Variants in STXBP5L observed in about 807,000 individuals in gnomAD.
STXBP5L encodes syntaxin-binding protein 5-like.
STXBP5L carries 65 observed loss-of-function variants against 144.5 expected under a neutral mutation model. The ratio of observed to expected loss-of-function variants is 0.45; its 90% CI spans 0.37 to 0.55. The LOEUF is 0.55. Ranked by LOEUF, STXBP5L falls within the 20% of genes least tolerant of loss-of-function variation. STXBP5L has a pLI of 0.00. For missense variants in STXBP5L, 1,298 were observed against 1,405.5 expected (o/e 0.92, Z 1.22); for synonymous variants, 505 against 469.6 (o/e 1.08, Z -0.97).
At chr3:121,321,813 G>A (rs1239977777) in intron 20 of STXBP5L, among the ~76,000 whole-genome samples, 1 of 152,192 alleles carries the variant, frequency 6.6e-6, no homozygotes, top group Non-Finnish European at 1.5e-5. Context: ...CCAGAAACCA[G>A]TAATCATTTT....
intron 5 of STXBP5L, among the ~76,000 whole-genome samples, chr3:121,113,241 G>T (rs899929334): frequency 6.6e-6 from 1 of 152,036 alleles, no homozygotes; most frequent in African/African-American, 2.4e-5. Flanking sequence ...CTATATTTAT[G>T]TCTTCTTTAA....
At chr3:120,930,877 T>C (rs1709896602) in intron 2 of STXBP5L, among the ~76,000 whole-genome samples, 1 of 152,164 alleles carries the variant, frequency 6.6e-6, no homozygotes, top group Admixed American at 6.6e-5. Context: ...TTGTCATATA[T>C]TAAGTTTTGA....
intron 7 of STXBP5L, among the ~76,000 whole-genome samples, chr3:121,139,870 G>A (rs1184140253): frequency 1.3e-5 from 2 of 151,528 alleles, no homozygotes; most frequent in African/African-American, 4.8e-5. Context: ...TAAAAGACTT[G>A]GGAAAAAAAG....
intron 3 of STXBP5L, among the ~76,000 whole-genome samples, chr3:121,041,091 CT>C (rs574717075): frequency 8.5e-4 from 129 of 151,052 alleles, no homozygotes; most frequent in East Asian, 2.1e-3. Context: ...CTCCTCCTTC[CT>C]TTTTTTTCTC....
chr3:121,259,241 A>G, intron 18 of STXBP5L, 73 bp downstream of exon 18: 1 of 1,229,468 alleles, frequency 8.1e-7, no homozygotes, highest in East Asian at 3.0e-5. Context: ...TTCCTTGCTT[A>G]AGTCCTAAAA....
At chr3:120,913,133 T>C (rs1242862544) in intron 2 of STXBP5L, among the ~76,000 whole-genome samples, 2 of 151,966 alleles carry the variant, frequency 1.3e-5, no homozygotes, top group African/African-American at 4.8e-5. Flanking sequence ...ACCTATAGTG[T>C]GAATTTAGCA....
rs2044170511 is a variant in STXBP5L, at chr3:121,115,062, A to G, written c.605+3A>G. The stretch of plus-strand genomic sequence containing the variant: ...ATGTGGAACAAGGCAATTGAACTGT[A>G]AGTTTGAACTTGGATATCACTTTAT... On this transcript the variant is annotated splice_donor_region_variant and intron_variant, in intron 6 of 26. Transcript: ENST00000471454. 1.9e-6 allele frequency: 3 copies of G among 1,599,974 alleles called. No homozygotes were observed. Among genetic ancestry groups the G allele is most frequent in the Non-Finnish European group, 8.5e-7 (1 of 1,175,500 alleles).
At chr3:121,180,056 C>A (rs1320465892) in intron 9 of STXBP5L, among the ~76,000 whole-genome samples, 2 of 152,102 alleles carry the variant, frequency 1.3e-5, no homozygotes, top group African/African-American at 4.8e-5. Context: ...TACTAGAGAT[C>A]TAGACATCCA....
At chr3:121,139,057 A>G (rs2045383166) in intron 7 of STXBP5L, among the ~76,000 whole-genome samples, 1 of 152,040 alleles carries the variant, frequency 6.6e-6, no homozygotes, top group Admixed American at 6.6e-5. Context: ...TTAAAGTAGC[A>G]TTGTCGTTAT....
rs141923290 is a variant in STXBP5L, at chr3:121,068,319, T to C, written c.470+22784T>C. Among the ~76,000 whole-genome samples, 1,086 of 152,380 alleles carry C rather than the reference T, an allele frequency of 7.1e-3. 18 individuals are homozygous for C. The highest frequency in any genetic ancestry group is 0.025 in the African/African-American group (1,027 of 41,594). ...ATGCACCTGGTGACAATATTAGTCT[T>C]ATACTTGGTGTACCTAACATTTAAT... On this transcript the variant is annotated intron_variant, in intron 5 of 26. Coordinates refer to ENST00000471454, the MANE Select transcript of STXBP5L (RefSeq NM_001308330.2).
At chr3:120,976,181 T>C (rs921667818) in intron 3 of STXBP5L, among the ~76,000 whole-genome samples, 6 of 152,196 alleles carry the variant, frequency 3.9e-5, no homozygotes, top group East Asian at 3.8e-4. Context: ...TCCTGGACTC[T>C]TTTTGGTTGG....
intron 10 of STXBP5L, among the ~76,000 whole-genome samples, chr3:121,213,856 G>C (rs1331134253): frequency 6.6e-6 from 1 of 152,132 alleles, no homozygotes; most frequent in African/African-American, 2.4e-5. Flanking sequence ...GCTTTTTTGG[G>C]TTGGTAGGCT....
chr3:120,944,874 C>G (rs1197107636), intron 2 of STXBP5L, among the ~76,000 whole-genome samples: 2 of 151,712 alleles, frequency 1.3e-5, no homozygotes, highest in African/African-American at 4.8e-5. Flanking sequence ...TTCAGTGACC[C>G]AAGATGACAT....
chr3:121,041,303 A>G (rs951197206), intron 3 of STXBP5L, among the ~76,000 whole-genome samples: 1 of 152,220 alleles, frequency 6.6e-6, no homozygotes, highest in African/African-American at 2.4e-5. Flanking sequence ...AAGATTATCA[A>G]CATATTTACC....
chr3:121,155,678 T>G (rs1010191268), intron 8 of STXBP5L, among the ~76,000 whole-genome samples: 1 of 151,824 alleles, frequency 6.6e-6, no homozygotes, highest in Non-Finnish European at 1.5e-5. Flanking sequence ...AAATAGAAAT[T>G]GAATATTTAT....
intron 9 of STXBP5L, among the ~76,000 whole-genome samples, chr3:121,185,390 G>A (rs1447126488): frequency 6.6e-6 from 1 of 152,164 alleles, no homozygotes; most frequent in African/African-American, 2.4e-5. Context: ...TGTCCTGAAT[G>A]GTATTGCCTA....
intron 2 of STXBP5L, among the ~76,000 whole-genome samples, chr3:120,921,874 A>G (rs1405762555): frequency 2.0e-5 from 3 of 152,030 alleles, no homozygotes; most frequent in African/African-American, 7.2e-5. Context: ...TTAGGTCTGT[A>G]GTATATTTTG....
rs554060252 is a variant in STXBP5L, at chr3:121,361,104, A to G, written c.2177-17612A>G. Among the ~76,000 whole-genome samples the G allele has an allele frequency of 2.0e-5, 3 of 152,286 alleles. No homozygotes were observed. The South Asian group carries it at 6.2e-4, about 32-fold the overall frequency. On this transcript the variant is annotated intron_variant, in intron 20 of 26. Transcript: ENST00000471454. Reference sequence around the variant, plus strand: ...AGGTTTTTCCTTCAGCACTTTAAATATGTCATACTACTTTCTCCTATCCTG... The same window carrying G: ...AGGTTTTTCCTTCAGCACTTTAAATGTGTCATACTACTTTCTCCTATCCTG...
intron 5 of STXBP5L, among the ~76,000 whole-genome samples, chr3:121,102,229 A>G (rs1429195603): frequency 6.6e-6 from 1 of 152,160 alleles, no homozygotes; most frequent in Non-Finnish European, 1.5e-5. Context: ...TTCATGTGGA[A>G]CCAAAATAGA....
Sources: allele counts gnomAD v4.1 joint callset (sites outside exome capture counted in the v4.1 genomes callset), GRCh38; gene constraint gnomAD v4.1.1; transcripts MANE v1.5; gene names NCBI Gene and HGNC (gene_info 2026-07-23, HGNC 2026-07-21).